The following CWC27 variants were observed in gnomAD, a reference collection of about 807,000 sequenced individuals.
CWC27 encodes the protein spliceosome-associated protein CWC27 homolog.
In CWC27, 47 loss-of-function variants were observed where a neutral mutation model predicts 63.6. The observed-to-expected ratio is 0.74, with a 90% CI of 0.58 to 0.94. CWC27 has a LOEUF of 0.94. CWC27 is among the 40% of genes least tolerant of loss of function. CWC27 has a pLI of 0.00. For missense variants in CWC27, 495 were observed against 554.3 expected, an observed-to-expected ratio of 0.89 and a Z score of 1.07; for synonymous variants, 175 against 179.8, an observed-to-expected ratio of 0.97 and a Z score of 0.22.
intron 12 of CWC27, among the ~76,000 whole-genome samples, chr5:64,973,634 A>C (rs1749167463): frequency 6.6e-6 from 1 of 152,186 alleles, no homozygotes; most frequent in African/African-American, 2.4e-5. Context: ...TTTTCTGCCC[A>C]GTGTCTTCTC....
At chr5:64,907,732 A>G (rs367686778) in intron 11 of CWC27, among the ~76,000 whole-genome samples, 4 of 152,012 alleles carry the variant, frequency 2.6e-5, no homozygotes, top group African/African-American at 9.7e-5. Flanking sequence ...GGGCATCCCT[A>G]TCTTGTGCCA....
At chr5:64,904,657 CA>C (rs1040636033) in intron 11 of CWC27, among the ~76,000 whole-genome samples, 12 of 152,332 alleles carry the variant, frequency 7.9e-5, no homozygotes, top group African/African-American at 2.9e-4. Flanking sequence ...AGCCCACATT[CA>C]AGGGAAGGAG....
At chr5:64,882,951 C>T (rs1746980944) in intron 10 of CWC27, among the ~76,000 whole-genome samples, 1 of 152,148 alleles carries the variant, frequency 6.6e-6, no homozygotes, top group African/African-American at 2.4e-5. Context: ...GTGTATTAGT[C>T]TGTTCTCATG....
chr5:64,999,566 A>G (rs1027486547), intron 13 of CWC27, among the ~76,000 whole-genome samples: 2 of 152,052 alleles, frequency 1.3e-5, no homozygotes, highest in African/African-American at 4.8e-5. Context: ...TAGCTCCCAC[A>G]TGTGAGTGAG....
At chr5:65,001,465 G>T (rs1170143235) in intron 13 of CWC27, among the ~76,000 whole-genome samples, 1 of 151,978 alleles carries the variant, frequency 6.6e-6, no homozygotes, top group Non-Finnish European at 1.5e-5. Context: ...TGTCACAAAT[G>T]GCCTTTATTA....
At chr5:64,785,870 T>TTA (rs1256950562) in intron 5 of CWC27, among the ~76,000 whole-genome samples, 1 of 151,976 alleles carries the variant, frequency 6.6e-6, no homozygotes, top group Non-Finnish European at 1.5e-5. Flanking sequence ...TCATAGGTAA[T>TTA]TTAAGAGTAA....
At chr5:64,879,604 A>G (rs1746887628) in intron 10 of CWC27, among the ~76,000 whole-genome samples, 1 of 151,924 alleles carries the variant, frequency 6.6e-6, no homozygotes, top group Non-Finnish European at 1.5e-5. Flanking sequence ...AAGATGTTCA[A>G]CAAAGTTGGA....
At chr5:64,798,625 G>C (rs1027033190) in intron 7 of CWC27, among the ~76,000 whole-genome samples, 1 of 152,046 alleles carries the variant, frequency 6.6e-6, no homozygotes, top group African/African-American at 2.4e-5. Context: ...TGCACTATAA[G>C]CATGTTTTAA....
chr5:64,931,414 A>C (rs991704369), intron 11 of CWC27, among the ~76,000 whole-genome samples: 7 of 151,962 alleles, frequency 4.6e-5, no homozygotes, highest in African/African-American at 1.7e-4. Context: ...AAATTATTTC[A>C]AAATAGAAAT....
chr5:64,995,784 C>T (rs561306871), intron 13 of CWC27, among the ~76,000 whole-genome samples: 104 of 152,204 alleles, frequency 6.8e-4, no homozygotes, highest in East Asian at 2.5e-3. Context: ...GCAGGTTGAA[C>T]CTTTACTGTT....
At chr5:64,855,643 G>T (rs73103391) in intron 10 of CWC27, among the ~76,000 whole-genome samples, 1,649 of 152,102 alleles carry the variant, frequency 0.011, 25 homozygotes, top group African/African-American at 0.038. Context: ...GAGGAGTTGG[G>T]GATAATCTGG....
At chr5:64,940,496 A>G (rs1436924040) in intron 11 of CWC27, among the ~76,000 whole-genome samples, 2 of 152,202 alleles carry the variant, frequency 1.3e-5, no homozygotes, top group African/African-American at 4.8e-5. Flanking sequence ...TTGGAAATGC[A>G]GAAATCACCC....
intron 2 of CWC27, among the ~76,000 whole-genome samples, chr5:64,778,630 TTA>T (rs1743544743): frequency 6.6e-6 from 1 of 152,202 alleles, no homozygotes; most frequent in South Asian, 2.1e-4. Flanking sequence ...GTGCCTTAAT[TTA>T]TGTTATTAGA....
intron 11 of CWC27, among the ~76,000 whole-genome samples, chr5:64,906,973 T>C (rs1747657673): frequency 6.6e-6 from 1 of 152,160 alleles, no homozygotes; most frequent in Admixed American, 6.5e-5. Context: ...GATCAGATGG[T>C]TGTAGATGTG....
intron 11 of CWC27, among the ~76,000 whole-genome samples, chr5:64,951,895 A>G (rs1389438994): frequency 6.6e-6 from 1 of 151,956 alleles, no homozygotes; most frequent in African/African-American, 2.4e-5. Context: ...CAGTTGATGC[A>G]CTTCCAAATA....
At chr5:64,774,520 G>A (rs561265498) in intron 1 of CWC27, among the ~76,000 whole-genome samples, 171 bp from the exon 2 acceptor site, 16 of 152,274 alleles carry the variant, frequency 1.1e-4, no homozygotes, top group African/African-American at 3.6e-4. Flanking sequence ...TGTACAATGA[G>A]TTGTAGTGAA....
chr5:64,971,927 T>TA, intron 12 of CWC27, 115 bp downstream of exon 12: 2 of 527,728 alleles, frequency 3.8e-6, no homozygotes, highest in South Asian at 7.7e-5. Flanking sequence ...CTCTTAAAAA[T>TA]AAAAAAGAAT....
At chr5:64,851,194 G>A (rs6881615) in intron 10 of CWC27, among the ~76,000 whole-genome samples, 143,394 of 152,312 alleles carry the variant, frequency 0.94, 67,568 homozygotes, top group East Asian at 0.99. Flanking sequence ...GGTGTATTGT[G>A]TATGCACAAC....
chr5:64,900,727 T>A (rs541844888), intron 11 of CWC27, among the ~76,000 whole-genome samples: 4 of 152,320 alleles, frequency 2.6e-5, no homozygotes, highest in African/African-American at 9.6e-5. Context: ...TTAATGTTTA[T>A]ATATACAGTC....
Sources: gnomAD v4.1 joint callset for allele counts (sites outside exome capture counted in the v4.1 genomes callset) on GRCh38, gnomAD v4.1.1 for gene constraint, MANE v1.5 for transcripts, NCBI Gene and HGNC (gene_info 2026-07-23, HGNC 2026-07-21) for gene names.